GSG1L: variants seen among roughly 807,000 people sequenced by gnomAD.
GSG1L encodes the protein germ cell-specific gene 1-like protein.
In GSG1L, 24 loss-of-function variants were observed where a neutral mutation model predicts 42.1. The ratio of observed to expected loss-of-function variants is 0.57; its 90% CI spans 0.41 to 0.80. The LOEUF is 0.80. Ranked by LOEUF, GSG1L falls within the 30% of genes least tolerant of loss-of-function variation. GSG1L has a pLI of 0.00. For synonymous variants in GSG1L, 215 were observed against 203.5 expected, an observed-to-expected ratio of 1.06 and a Z score of -0.48; for missense variants, 445 against 472.2, an observed-to-expected ratio of 0.94 and a Z score of 0.53.
At chr16:27,873,829 G>A (rs12917968) in intron 3 of GSG1L, among the ~76,000 whole-genome samples, 20,704 of 152,196 alleles carry the variant, frequency 0.14, 1,592 homozygotes, top group Admixed American at 0.21. Context: ...TTGGGGAAAG[G>A]AGGGGTGAAA....
chr16:27,949,925 A>AAAACAAACAAAC (rs541234298), intron 2 of GSG1L, among the ~76,000 whole-genome samples: 1 of 152,162 alleles, frequency 6.6e-6, no homozygotes, highest in African/African-American at 2.4e-5. Context: ...ACTCCGTCTC[A>AAAACAAACAAAC]AAACAAACAA....
At chr16:27,888,486 T>TCTTC (rs2084071812) in intron 2 of GSG1L, among the ~76,000 whole-genome samples, 2 of 4,670 alleles carry the variant, frequency 4.3e-4, no homozygotes, top group Admixed American at 3.7e-3. Flanking sequence ...CTCTTTCCTT[T>TCTTC]CTTTCTTTCT....
chr16:27,965,880 C>T (rs1414455558), intron 1 of GSG1L, among the ~76,000 whole-genome samples: 1 of 152,214 alleles, frequency 6.6e-6, no homozygotes, highest in Non-Finnish European at 1.5e-5. Flanking sequence ...ACCCTCCCAG[C>T]ATTCCCAACT....
intron 5 of GSG1L, among the ~76,000 whole-genome samples, chr16:27,818,605 T>C (rs948539355): frequency 6.6e-6 from 1 of 151,996 alleles, no homozygotes; most frequent in Admixed American, 6.6e-5. Context: ...GCTAGACATC[T>C]AAGAAACAGT....
intron 2 of GSG1L, among the ~76,000 whole-genome samples, chr16:27,917,994 T>A (rs35168595): frequency 0.057 from 8,649 of 152,188 alleles, 308 homozygotes; most frequent in Non-Finnish European, 0.085. Flanking sequence ...AGATTTTGAA[T>A]GCCAAGTTGA....
rs2086369906 is a variant in GSG1L, at chr16:28,063,453, A to T, written c.-29T>A. On this transcript the variant is annotated 5_prime_UTR_variant, in exon 1 of 7. Transcript: ENST00000447459. This position sits in a 1 kb window ranked among gnomAD's most constrained non-coding sequence, Gnocchi z 5.8. The stretch of plus-strand genomic sequence containing the variant: ...GCCCGCGCCGCCGGGACGGGACTGC[A>T]CCGCCGGGGAGCTCCGCGCGCGAAG... 1 of 1,151,112 alleles carries T rather than the reference A, an allele frequency of 8.7e-7. No homozygotes were observed. The highest frequency in any genetic ancestry group is 4.2e-5 in the East Asian group (1 of 24,060). 71.3% of individuals were successfully genotyped at this position (1,151,112 alleles called of 1,614,324 possible).
chr16:27,855,435 C>T (rs934004993), intron 3 of GSG1L, among the ~76,000 whole-genome samples: 19 of 152,064 alleles, frequency 1.2e-4, no homozygotes, highest in African/African-American at 3.9e-4. Context: ...AAAAGACCAA[C>T]GGGGCCGGAA....
chr16:27,831,423 A>G (rs1186322115), intron 4 of GSG1L, among the ~76,000 whole-genome samples: 1 of 152,190 alleles, frequency 6.6e-6, no homozygotes, highest in Non-Finnish European at 1.5e-5. Flanking sequence ...CTTGCTATAA[A>G]TTCTCCTTTT....
intron 2 of GSG1L, among the ~76,000 whole-genome samples, chr16:27,916,486 CTTTT>C (rs35176989): frequency 8.7e-6 from 1 of 114,846 alleles, no homozygotes; most frequent in Non-Finnish European, 1.9e-5. Flanking sequence ...ATTTTTAATC[CTTTT>C]TTTTTTTTTT....
chr16:27,858,386 T>G (rs1375483119), intron 3 of GSG1L, among the ~76,000 whole-genome samples: 2 of 152,206 alleles, frequency 1.3e-5, no homozygotes, highest in African/African-American at 4.8e-5. Flanking sequence ...AGTGTAAAGC[T>G]CATAGAGGTA....
At chr16:27,810,520 C>A (rs765415107) in intron 5 of GSG1L, among the ~76,000 whole-genome samples, 1 of 152,106 alleles carries the variant, frequency 6.6e-6, no homozygotes, top group Non-Finnish European at 1.5e-5. Context: ...GGACTGTCTG[C>A]ACCAAGGGGC....
At chr16:27,878,195 T>C (rs1272748844) in intron 3 of GSG1L, among the ~76,000 whole-genome samples, 1 of 152,038 alleles carries the variant, frequency 6.6e-6, no homozygotes, top group Non-Finnish European at 1.5e-5. Flanking sequence ...AGTAGCTGTG[T>C]ATTAGTCCAT....
intron 3 of GSG1L, among the ~76,000 whole-genome samples, chr16:27,846,742 C>T (rs556894080): frequency 1.2e-3 from 182 of 152,180 alleles, no homozygotes; most frequent in Non-Finnish European, 2.0e-3. Flanking sequence ...ATCACGAGGT[C>T]AGGAGATTGA....
chr16:27,950,897 C>T (rs1354861901), intron 2 of GSG1L, among the ~76,000 whole-genome samples: 2 of 152,178 alleles, frequency 1.3e-5, no homozygotes, highest in Non-Finnish European at 2.9e-5. Context: ...CGCTCCTCCA[C>T]TCAATCTTCC....
At chr16:27,838,652 G>A (rs1388899271) in intron 4 of GSG1L, among the ~76,000 whole-genome samples, 2 of 152,160 alleles carry the variant, frequency 1.3e-5, no homozygotes, top group Non-Finnish European at 2.9e-5. Flanking sequence ...CAGTGGGGAG[G>A]TTGTAATGGA....
At chr16:27,923,859 G>A (rs2084560224) in intron 2 of GSG1L, among the ~76,000 whole-genome samples, 1 of 151,976 alleles carries the variant, frequency 6.6e-6, no homozygotes, top group Non-Finnish European at 1.5e-5. Context: ...ATTTCTTCAG[G>A]TACCCTCTGA....
intron 2 of GSG1L, among the ~76,000 whole-genome samples, chr16:27,923,151 C>CA (rs564042807): frequency 7.2e-5 from 11 of 152,086 alleles, no homozygotes; most frequent in Admixed American, 1.3e-4. Context: ...TCATGGGCTG[C>CA]AAAAAAACCT....
chr16:27,884,418 G>A lies in GSG1L; in HGVS notation c.550+68C>T. ...ATGCCTCCCGGTTGGTACAACCAGG[G>A]CTTACTCCAAGGGCAGCACCCTTTC... On this transcript the variant is annotated intron_variant, in intron 3 of 6. Coordinates refer to ENST00000447459, the MANE Select transcript of GSG1L (RefSeq NM_001109763.2). The surrounding 1 kb of genome is among the most constrained non-coding windows in gnomAD (Gnocchi z 4.4). 6.8e-7 allele frequency: 1 copy of A among 1,466,048 alleles called. No individual in the cohort carries two copies. The highest frequency in any genetic ancestry group is 1.3e-5 in the South Asian group (1 of 76,918). 90.8% of individuals were successfully genotyped at this position (1,466,048 alleles called of 1,614,324 possible).
In GSG1L at chr16:28,050,512, A is replaced by G. The variant is rs372409745; in HGVS notation, c.349+12564T>C. 1.8e-4 allele frequency among the ~76,000 whole-genome samples: 28 copies of G among 152,344 alleles called. No homozygotes were observed. The East Asian group carries it at 2.1e-3, about 12-fold the overall frequency. On this transcript the variant is annotated intron_variant, in intron 1 of 6. Transcript: ENST00000447459. The stretch of plus-strand genomic sequence containing the variant: ...AGGGCTGGAATTGGAGGCATGAGCC[A>G]CTGCACCCAGCTAGGAGGACAGATC...
Sources: allele counts gnomAD v4.1 joint callset (sites outside exome capture counted in the v4.1 genomes callset), GRCh38; gene constraint gnomAD v4.1.1; non-coding constraint Gnocchi (gnomAD v3.1); transcripts MANE v1.5; gene names NCBI Gene and HGNC (gene_info 2026-07-23, HGNC 2026-07-21).